KIZ: variants seen among roughly 807,000 people sequenced by gnomAD.
The protein encoded by KIZ is centrosomal protein kizuna.
In KIZ, 68 loss-of-function variants were observed where a neutral mutation model predicts 79.6. The observed-to-expected ratio is 0.85, with a 90% CI of 0.70 to 1.05. KIZ has a LOEUF of 1.05. Among genes scored for constraint, KIZ ranks in the 50% least tolerant of loss-of-function variants. KIZ has a pLI of 0.00. For missense variants in KIZ, 797 were observed against 800.4 expected (o/e 1.00, Z 0.05); for synonymous variants, 280 against 281.8 (o/e 0.99, Z 0.06).
chr20:21,241,218 C>T (rs1051758064), intron 11 of KIZ, among the ~76,000 whole-genome samples: 2 of 152,188 alleles, frequency 1.3e-5, no homozygotes, highest in African/African-American at 4.8e-5. Context: ...TCAGCCTTGC[C>T]TTAGCTTTAC....
In KIZ at chr20:21,162,430, C is replaced by T. The variant is rs776325775; in HGVS notation, c.965C>T (p.Pro322Leu). 2.9e-5 allele frequency: 46 copies of T among 1,612,342 alleles called. No homozygotes were observed. The South Asian group carries it at 2.9e-4, about 10-fold the overall frequency. The change falls in exon 5 of 13, where the codon CCG (proline) becomes CTG (leucine). Residue 322 changes from proline (P) to leucine (L), a missense_variant. Physicochemically the swap from Pro to Leu is moderately conservative, Grantham distance 98. Transcript: ENST00000619189. The part of the protein sequence containing the change: ...EEKRASPPVS[P>L]IPVSEYCESE... ...AAAAGAGCCAGCCCGCCAGTCTCTC[C>T]GATACCAGTTTCAGAATACTGTGAA...
chr20:21,156,834 G>C (rs960827001), intron 4 of KIZ, among the ~76,000 whole-genome samples: 2 of 152,112 alleles, frequency 1.3e-5, no homozygotes, highest in African/African-American at 4.8e-5. Flanking sequence ...CACATACAGA[G>C]ACAAACACAT....
intron 4 of KIZ, chr20:21,158,519 T>G (rs1016366567): frequency 1.3e-5 from 2 of 152,212 alleles, no homozygotes; most frequent in Non-Finnish European, 2.9e-5. Flanking sequence ...ACATAAATTA[T>G]GGTACATCTA....
chr20:21,246,199 A>AT lies in KIZ; in HGVS notation c.1925-280_1925-279insT, dbSNP rs2037380927. 4 of 398,314 alleles carry AT rather than the reference A, an allele frequency of 1.0e-5. No homozygotes were observed. The Admixed American group carries it at 1.9e-4, about 19-fold the overall frequency. 24.7% of individuals were successfully genotyped at this position (398,314 alleles called of 1,614,324 possible). A position where few individuals can be genotyped will look rare whatever the true frequency, so the allele number is the denominator to read the frequency against. On this transcript the variant is annotated intron_variant, in intron 12 of 12. Coordinates refer to ENST00000619189, the MANE Select transcript of KIZ (RefSeq NM_018474.6). ...CTGCTTCCATGTAACCCTGACCTTA[A>AT]ATCCCTATCCTATAATAAAGAGTTG...
chr20:21,211,395 T>TG (rs1318677803), intron 7 of KIZ, among the ~76,000 whole-genome samples: 1 of 151,938 alleles, frequency 6.6e-6, no homozygotes, highest in Non-Finnish European at 1.5e-5. Flanking sequence ...AGTGAGGGGG[T>TG]GGTTTGTTCG....
chr20:21,241,488 G>C (rs13042216), intron 11 of KIZ, among the ~76,000 whole-genome samples: 91,124 of 152,014 alleles, frequency 0.6, 28,468 homozygotes, highest in South Asian at 0.78. Context: ...AATTAAGAAC[G>C]ATTACACAAT....
intron 7 of KIZ, among the ~76,000 whole-genome samples, chr20:21,208,296 C>G (rs113113439): frequency 9.2e-5 from 14 of 152,010 alleles, no homozygotes; most frequent in South Asian, 4.1e-4. Flanking sequence ...TCTAATGAAT[C>G]AAATTATATT....
intron 3 of KIZ, among the ~76,000 whole-genome samples, chr20:21,143,800 C>T (rs540726714): frequency 3.5e-4 from 53 of 152,116 alleles, no homozygotes; most frequent in Non-Finnish European, 3.2e-4. Context: ...CTCTGGAGAG[C>T]GCTGTGGAAA....
intron 6 of KIZ, among the ~76,000 whole-genome samples, chr20:21,176,673 G>T (rs1450623638): frequency 6.6e-6 from 1 of 151,986 alleles, no homozygotes; most frequent in African/African-American, 2.4e-5. Flanking sequence ...TAAAATAACT[G>T]ATTAATATGC....
chr20:21,132,732 G>T (rs895592480), intron 2 of KIZ, among the ~76,000 whole-genome samples: 1 of 152,112 alleles, frequency 6.6e-6, no homozygotes, highest in Non-Finnish European at 1.5e-5. Context: ...TTTATTTCAA[G>T]AATCTGTTTT....
At chr20:21,157,090 A>G (rs2033422021) in intron 4 of KIZ, among the ~76,000 whole-genome samples, 1 of 152,114 alleles carries the variant, frequency 6.6e-6, no homozygotes, top group Non-Finnish European at 1.5e-5. Context: ...CCACATCTCT[A>G]TAAATAAAAA....
At chr20:21,173,016 C>T (rs537579974) in intron 6 of KIZ, among the ~76,000 whole-genome samples, 42 of 152,128 alleles carry the variant, frequency 2.8e-4, no homozygotes, top group Admixed American at 2.4e-3. Context: ...GTTGGGGAGA[C>T]GGGAGAAGCT....
chr20:21,201,632 G>A (rs1255619267), intron 6 of KIZ, among the ~76,000 whole-genome samples: 1 of 152,160 alleles, frequency 6.6e-6, no homozygotes, highest in Non-Finnish European at 1.5e-5. Context: ...CTGATTGAAA[G>A]CCCTTTCAAG....
chr20:21,196,168 T>C (rs1025868797), intron 6 of KIZ: 1 of 152,240 alleles, frequency 6.6e-6, no homozygotes, highest in Non-Finnish European at 1.5e-5. Flanking sequence ...TCATATTGAA[T>C]TTAATTTTCC....
chr20:21,241,857 CT>C lies in KIZ; in HGVS notation c.1881-2379del, dbSNP rs1326213366. Among the ~76,000 whole-genome samples, 6 of 151,486 alleles carry C rather than the reference CT, an allele frequency of 4.0e-5. No individual in the cohort carries two copies. The East Asian group carries it at 7.7e-4, about 20-fold the overall frequency. On this transcript the variant is annotated intron_variant, in intron 11 of 12. Coordinates refer to ENST00000619189, the MANE Select transcript of KIZ (RefSeq NM_018474.6). ...TTACAGCCTTGTGCATGACTTTTTC[CT>C]TTTTTTTTCTGCTTCAGCTTTTCTG...
At chr20:21,215,223 A>G (rs970956311) in intron 8 of KIZ, among the ~76,000 whole-genome samples, 4 of 152,208 alleles carry the variant, frequency 2.6e-5, no homozygotes, top group Non-Finnish European at 5.9e-5. Flanking sequence ...CATGCCATTT[A>G]ACTGCTTTAA....
intron 4 of KIZ, among the ~76,000 whole-genome samples, chr20:21,160,500 C>T (rs1197353172): frequency 6.6e-6 from 1 of 152,072 alleles, no homozygotes; most frequent in Non-Finnish European, 1.5e-5. Flanking sequence ...GCCTGCGCTC[C>T]CTGATGTTTG....
In KIZ at chr20:21,163,017, G is replaced by A; in HGVS notation, c.1210G>A (p.Gly404Arg). 1.9e-6 allele frequency: 3 copies of A among 1,613,898 alleles called. No individual in the cohort carries two copies. The highest frequency in any genetic ancestry group is 2.5e-6 in the Non-Finnish European group (3 of 1,179,806). Residue 404 changes from glycine (G) to arginine (R), a missense_variant, in exon 6 of 13, where the codon GGA becomes AGA. By Grantham distance (125) the Gly-to-Arg change is moderately radical. Coordinates refer to ENST00000619189, the MANE Select transcript of KIZ (RefSeq NM_018474.6). ...PQPNPGGKMEGEDGIEALKLI... is the reference protein window; with the variant it reads ...PQPNPGGKMEREDGIEALKLI... ...GCCAAATCCAGGTGGCAAGATGGAGGGAGAAGATGGAATAGAGGCCTTAAA... is the reference window on the plus strand; with the variant it reads ...GCCAAATCCAGGTGGCAAGATGGAGAGAGAAGATGGAATAGAGGCCTTAAA...
intron 12 of KIZ, chr20:21,245,828 C>T (rs2037370103): frequency 6.6e-6 from 1 of 152,364 alleles, no homozygotes; most frequent in Non-Finnish European, 1.5e-5. Flanking sequence ...ATCAGTAACC[C>T]CACTCCCTTG....
Sources: allele counts gnomAD v4.1 joint callset (sites outside exome capture counted in the v4.1 genomes callset), GRCh38; gene constraint gnomAD v4.1.1; transcripts MANE v1.5; gene names NCBI Gene and HGNC (gene_info 2026-07-23, HGNC 2026-07-21).